Variants in FRMD4A observed in about 807,000 individuals in gnomAD.
The protein encoded by FRMD4A is FERM domain containing 4A.
FRMD4A carries 29 observed loss-of-function variants against 129.1 expected under a neutral mutation model. The observed-to-expected ratio is 0.22, with a 90% CI of 0.17 to 0.31. The LOEUF is 0.31. Among genes scored for constraint, FRMD4A ranks in the 10% least tolerant of loss-of-function variants. The pLI is 1.00. For synonymous variants in FRMD4A, 634 were observed against 571.6 expected (o/e 1.11, Z -1.56); for missense variants, 1,272 against 1,375.8 (o/e 0.92, Z 1.19).
intron 2 of FRMD4A, among the ~76,000 whole-genome samples, chr10:14,268,597 C>A (rs1042371905): frequency 6.6e-6 from 1 of 152,176 alleles, no homozygotes; most frequent in Non-Finnish European, 1.5e-5. Flanking sequence ...CCAAGGACTC[C>A]AACAAACTAG....
chr10:14,124,581 C>T (rs1838724568), intron 2 of FRMD4A, among the ~76,000 whole-genome samples: 1 of 152,156 alleles, frequency 6.6e-6, no homozygotes, highest in African/African-American at 2.4e-5. Context: ...AAGGCTGAGG[C>T]AGGAGAATCT....
chr10:14,319,194 C>T lies in FRMD4A; in HGVS notation c.45+10864G>A, dbSNP rs578210710. The stretch of plus-strand genomic sequence containing the variant: ...CCATCAGCTCTTCCCAGCTGAAGCT[C>T]CAGTGTGGAACAGAGACAAGCCATT... On this transcript the variant is annotated intron_variant, in intron 2 of 24. Coordinates refer to ENST00000357447, the MANE Select transcript of FRMD4A (RefSeq NM_018027.5). Among the ~76,000 whole-genome samples, 17 of 152,304 alleles carry T rather than the reference C, an allele frequency of 1.1e-4. No individual in the cohort carries two copies. In the East Asian group the frequency reaches 3.3e-3, roughly 29 times the overall value.
At chr10:13,957,414 C>T (rs890939125) in intron 2 of FRMD4A, among the ~76,000 whole-genome samples, 41 of 151,994 alleles carry the variant, frequency 2.7e-4, no homozygotes, top group South Asian at 4.2e-4. Flanking sequence ...CCACCATGCC[C>T]GGCTAATTTT....
At chr10:13,906,076 C>A (rs774974195) in intron 2 of FRMD4A, among the ~76,000 whole-genome samples, 1 of 152,198 alleles carries the variant, frequency 6.6e-6, no homozygotes, top group Non-Finnish European at 1.5e-5. Flanking sequence ...TGAGCCTCTG[C>A]AGCCCCCAGT....
At chr10:14,002,676 T>C (rs145953677) in intron 2 of FRMD4A, among the ~76,000 whole-genome samples, 1 of 152,204 alleles carries the variant, frequency 6.6e-6, no homozygotes, top group Non-Finnish European at 1.5e-5. Flanking sequence ...AAACCAGTGG[T>C]TTCAATGCAG....
rs557982180 is a variant in FRMD4A, at chr10:13,685,634, C to T, written c.1117+8264G>A. 23 of 984,530 alleles carry T rather than the reference C, an allele frequency of 2.3e-5. No homozygotes were observed. The Admixed American group carries it at 6.1e-4, about 26-fold the overall frequency. 61.0% of individuals were successfully genotyped at this position (984,530 alleles called of 1,614,324 possible). A position where few individuals can be genotyped will look rare whatever the true frequency, so the allele number is the denominator to read the frequency against. On this transcript the variant is annotated intron_variant, in intron 15 of 24. Transcript: ENST00000357447. The stretch of plus-strand genomic sequence containing the variant: ...CTGGCCCTAAATGGGAACAGAGAAA[C>T]GCTCGTGGGAAGTGATAGTTATATC...
At chr10:13,683,173 G>A (rs982878426) in intron 15 of FRMD4A, among the ~76,000 whole-genome samples, 6 of 152,044 alleles carry the variant, frequency 3.9e-5, no homozygotes, top group African/African-American at 1.4e-4. Flanking sequence ...GCGCCACAAC[G>A]CCCGACTAAT....
intron 2 of FRMD4A, among the ~76,000 whole-genome samples, chr10:13,932,477 G>T (rs190382439): frequency 2.0e-5 from 3 of 152,180 alleles, no homozygotes; most frequent in Non-Finnish European, 4.4e-5. Context: ...CTTGTTCCAT[G>T]AGGAGAAGGC....
At chr10:13,818,891 C>T (rs904295180) in intron 3 of FRMD4A, among the ~76,000 whole-genome samples, 3 of 152,130 alleles carry the variant, frequency 2.0e-5, no homozygotes, top group East Asian at 1.9e-4. Context: ...TTTGGGAAGC[C>T]GAGGTGGGCA....
intron 2 of FRMD4A, among the ~76,000 whole-genome samples, chr10:13,942,069 G>A (rs1582235): frequency 0.86 from 130,917 of 152,096 alleles, 56,510 homozygotes; most frequent in East Asian, 0.98. Context: ...TGAAGACACC[G>A]CGCCCTGTTC....
chr10:14,163,369 A>G (rs955212466), intron 2 of FRMD4A, among the ~76,000 whole-genome samples: 1 of 152,212 alleles, frequency 6.6e-6, no homozygotes, highest in Non-Finnish European at 1.5e-5. Flanking sequence ...TTTGAATATC[A>G]ATGTAGAGTT....
At chr10:13,754,918 C>T (rs943322866) in intron 8 of FRMD4A, among the ~76,000 whole-genome samples, 1 of 152,086 alleles carries the variant, frequency 6.6e-6, no homozygotes, top group African/African-American at 2.4e-5. Flanking sequence ...ATTTAAAAAT[C>T]GTAGGGAAAT....
At chr10:13,957,740 C>A (rs372971105) in intron 2 of FRMD4A, among the ~76,000 whole-genome samples, 4 of 152,108 alleles carry the variant, frequency 2.6e-5, no homozygotes, top group Non-Finnish European at 5.9e-5. Flanking sequence ...AAATGGCTAG[C>A]CCTTTTTGCA....
At chr10:14,040,685 A>G (rs2131674167) in intron 2 of FRMD4A, among the ~76,000 whole-genome samples, 1 of 152,158 alleles carries the variant, frequency 6.6e-6, no homozygotes, top group South Asian at 2.1e-4. Flanking sequence ...TCTCCTTCTT[A>G]TTTACTTCTT....
intron 2 of FRMD4A, among the ~76,000 whole-genome samples, chr10:13,964,669 C>CT (rs2095472346): frequency 8.7e-6 from 1 of 115,440 alleles, no homozygotes; most frequent in Non-Finnish European, 1.8e-5. Flanking sequence ...AATGCCTCTT[C>CT]TTTTGTTTTT....
At chr10:13,812,809 C>T (rs2093472137) in intron 3 of FRMD4A, among the ~76,000 whole-genome samples, 1 of 152,352 alleles carries the variant, frequency 6.6e-6, no homozygotes, top group African/African-American at 2.4e-5. Flanking sequence ...TCAATACCAC[C>T]TCATAGTCTA....
At chr10:13,838,019 C>T (rs2093902847) in intron 3 of FRMD4A, among the ~76,000 whole-genome samples, 1 of 152,166 alleles carries the variant, frequency 6.6e-6, no homozygotes, top group African/African-American at 2.4e-5. Context: ...ACAGGGCACA[C>T]CTTTTCTTCT....
intron 2 of FRMD4A, among the ~76,000 whole-genome samples, chr10:14,189,359 A>T (rs1401866611): frequency 1.3e-5 from 2 of 152,176 alleles, no homozygotes; most frequent in Non-Finnish European, 2.9e-5. Context: ...GGATCACCTG[A>T]GGTCAGGAGT....
chr10:14,175,522 CTTTTTTTTTT>C (rs374088064), intron 2 of FRMD4A, among the ~76,000 whole-genome samples: 2 of 122,994 alleles, frequency 1.6e-5, no homozygotes, highest in African/African-American at 6.1e-5. Flanking sequence ...AGTTTGCTTC[CTTTTTTTTTT>C]TTTTTTTTTT....
Sources: allele counts gnomAD v4.1 joint callset (sites outside exome capture counted in the v4.1 genomes callset), GRCh38; gene constraint gnomAD v4.1.1; transcripts MANE v1.5; gene names NCBI Gene and HGNC (gene_info 2026-07-23, HGNC 2026-07-21).